The following NEGR1 variants were observed in gnomAD, a reference collection of about 807,000 sequenced individuals.
NEGR1 encodes the protein IgLON family member 4.
Under a neutral mutation model 40.9 loss-of-function variants are expected in NEGR1, and 10 were observed. That is an observed-to-expected ratio of 0.24 (90% confidence interval 0.15 to 0.42). NEGR1 has a LOEUF of 0.42. NEGR1 is among the 10% of genes least tolerant of loss of function. The pLI is 1.00. For synonymous variants in NEGR1, 185 were observed against 166.8 expected, an observed-to-expected ratio of 1.11 and a Z score of -0.84; for missense variants, 352 against 438.9, an observed-to-expected ratio of 0.80 and a Z score of 1.77.
chr1:71,954,443 C>T (rs528441158), intron 1 of NEGR1, among the ~76,000 whole-genome samples: 1 of 151,696 alleles, frequency 6.6e-6, no homozygotes, highest in South Asian at 2.1e-4. Context: ...ATCCTAAGAA[C>T]TGGATAGTAA....
intron 6 of NEGR1, among the ~76,000 whole-genome samples, chr1:71,520,608 A>G (rs1308555138): frequency 6.6e-6 from 1 of 151,886 alleles, no homozygotes; most frequent in Non-Finnish European, 1.5e-5. Flanking sequence ...TTTTTTGGTT[A>G]TTCAGAATTG....
rs1646947376 is a variant in NEGR1 at position 71,494,205 on chromosome 1, T to G, written c.941-86635A>C. 2.0e-5 allele frequency among the ~76,000 whole-genome samples: 3 copies of G among 152,174 alleles called. No homozygotes were observed. The South Asian group carries it at 6.2e-4, about 31-fold the overall frequency. Reference sequence around the variant, plus strand: ...ACAAGGTGATTTATGATGGGGACTTTGAGGCCATGCTATATCACCTCTAAT... The same window carrying G: ...ACAAGGTGATTTATGATGGGGACTTGGAGGCCATGCTATATCACCTCTAAT... On this transcript the variant is annotated intron_variant, in intron 6 of 6. Coordinates refer to ENST00000357731, the MANE Select transcript of NEGR1 (RefSeq NM_173808.3).
At chr1:72,066,611 T>C (rs896793214) in intron 1 of NEGR1, among the ~76,000 whole-genome samples, 15 of 152,026 alleles carry the variant, frequency 9.9e-5, no homozygotes, top group Admixed American at 8.5e-4. Context: ...CTGGTGTCCT[T>C]ACACGAAGAC....
At chr1:71,530,721 C>T (rs1210823965) in intron 6 of NEGR1, among the ~76,000 whole-genome samples, 1 of 151,254 alleles carries the variant, frequency 6.6e-6, no homozygotes, top group African/African-American at 2.4e-5. Context: ...ACATTTAACC[C>T]TAGCAACAAA....
chr1:71,761,708 CAA>C (rs994562909), intron 3 of NEGR1, among the ~76,000 whole-genome samples: 3 of 151,854 alleles, frequency 2.0e-5, no homozygotes, highest in Admixed American at 2.0e-4. Context: ...CTAACTTAAC[CAA>C]AATATCCTTC....
rs601452 is a variant in NEGR1, at chr1:71,915,913, C to G, written c.409+19166G>C. Among the ~76,000 whole-genome samples the G allele has an allele frequency of 2.0e-5, 3 of 151,954 alleles. No homozygotes were observed. In the East Asian group the frequency reaches 5.8e-4, roughly 29 times the overall value. On this transcript the variant is annotated intron_variant, in intron 2 of 6. Coordinates refer to ENST00000357731, the MANE Select transcript of NEGR1 (RefSeq NM_173808.3). ...AACAAGTAACAGACTATGATAGGACCGCCAAAAGGATGTTCAGAGATGTTC... is the reference window on the plus strand; with the variant it reads ...AACAAGTAACAGACTATGATAGGACGGCCAAAAGGATGTTCAGAGATGTTC...
At chr1:72,272,409 TTATG>T (rs1255121568) in intron 1 of NEGR1, among the ~76,000 whole-genome samples, 5 of 152,046 alleles carry the variant, frequency 3.3e-5, no homozygotes, top group Non-Finnish European at 7.4e-5. Flanking sequence ...AAATCAAATA[TTATG>T]TATCTAAATA....
intron 1 of NEGR1, among the ~76,000 whole-genome samples, chr1:72,032,376 C>T (rs1045041284): frequency 6.6e-6 from 1 of 152,110 alleles, no homozygotes; most frequent in African/African-American, 2.4e-5. Context: ...AATAGGAACA[C>T]CTGAGGATTT....
chr1:71,722,352 T>A (rs1172302246), intron 3 of NEGR1, among the ~76,000 whole-genome samples: 1 of 152,124 alleles, frequency 6.6e-6, no homozygotes, highest in African/African-American at 2.4e-5. Flanking sequence ...AATTTATTTT[T>A]ATTAATTTAA....
At chr1:72,062,374 G>T (rs75830162) in intron 1 of NEGR1, among the ~76,000 whole-genome samples, 2,729 of 151,770 alleles carry the variant, frequency 0.018, 83 homozygotes, top group African/African-American at 0.062. Flanking sequence ...CTTTTATAAG[G>T]GTGCCTACCA....
intron 3 of NEGR1, among the ~76,000 whole-genome samples, chr1:71,760,445 A>G (rs1034421902): frequency 1.8e-4 from 28 of 152,200 alleles, no homozygotes; most frequent in African/African-American, 6.0e-4. Context: ...TATAAAGAAA[A>G]CTCTCAGAAA....
intron 1 of NEGR1, among the ~76,000 whole-genome samples, chr1:72,182,458 A>C (rs1424666997): frequency 1.3e-5 from 2 of 152,144 alleles, no homozygotes; most frequent in African/African-American, 4.8e-5. Context: ...ATGCCACTGC[A>C]TTCCAGGCTG....
chr1:71,536,985 T>G (rs1647533733), intron 6 of NEGR1, among the ~76,000 whole-genome samples: 1 of 151,688 alleles, frequency 6.6e-6, no homozygotes, highest in African/African-American at 2.4e-5. Flanking sequence ...TACTATAGAT[T>G]TCCTTATACT....
chr1:71,450,795 C>T (rs1399877924), intron 6 of NEGR1, among the ~76,000 whole-genome samples: 3 of 148,958 alleles, frequency 2.0e-5, no homozygotes, highest in Non-Finnish European at 3.0e-5. Flanking sequence ...GGGTGCAGAG[C>T]GAGACTCGGT....
At chr1:71,974,604 A>G (rs1375881012) in intron 1 of NEGR1, among the ~76,000 whole-genome samples, 2 of 152,188 alleles carry the variant, frequency 1.3e-5, no homozygotes, top group South Asian at 2.1e-4. Context: ...CTAATCTGCT[A>G]GAAATATTTA....
intron 1 of NEGR1, among the ~76,000 whole-genome samples, chr1:71,954,945 T>G (rs1646107136): frequency 6.6e-6 from 1 of 152,142 alleles, no homozygotes; most frequent in African/African-American, 2.4e-5. Flanking sequence ...CAAAAGTAAT[T>G]TATAGAGTTA....
At chr1:71,880,209 A>G (rs1339548843) in intron 2 of NEGR1, among the ~76,000 whole-genome samples, 1 of 152,082 alleles carries the variant, frequency 6.6e-6, no homozygotes, top group Non-Finnish European at 1.5e-5. Context: ...TTCACAATAA[A>G]AAATAACAAT....
intron 2 of NEGR1, among the ~76,000 whole-genome samples, chr1:71,837,382 C>A (rs1399601756): frequency 6.6e-6 from 1 of 152,054 alleles, no homozygotes; most frequent in Non-Finnish European, 1.5e-5. Flanking sequence ...ATCTAGGATT[C>A]AAATATAGAT....
intron 1 of NEGR1, among the ~76,000 whole-genome samples, chr1:72,090,916 C>A (rs184054540): frequency 6.6e-6 from 1 of 152,190 alleles, no homozygotes; most frequent in Non-Finnish European, 1.5e-5. Context: ...ACCATAATGT[C>A]TCCGAAAACA....
Sources: gnomAD v4.1 joint callset for allele counts (sites outside exome capture counted in the v4.1 genomes callset) on GRCh38, gnomAD v4.1.1 for gene constraint, MANE v1.5 for transcripts, NCBI Gene and HGNC (gene_info 2026-07-23, HGNC 2026-07-21) for gene names.